Variants in C6orf62 observed in about 807,000 individuals in gnomAD.
The protein encoded by C6orf62 is chromosome 6 open reading frame 62.
C6orf62 carries 16 observed loss-of-function variants against 26.8 expected under a neutral mutation model. The ratio of observed to expected loss-of-function variants is 0.60; its 90% confidence interval spans 0.40 to 0.91. The LOEUF is 0.91. Ranked by LOEUF, C6orf62 falls within the 40% of genes least tolerant of loss-of-function variation. The pLI is 0.00. For missense variants in C6orf62, 192 were observed against 271.4 expected, an observed-to-expected ratio of 0.71 and a Z score of 2.06; for synonymous variants, 112 against 91.5, an observed-to-expected ratio of 1.22 and a Z score of -1.28.
upstream of C6orf62, chr6:24,720,330 T>C: frequency 1.0e-5 from 13 of 1,270,234 alleles, no homozygotes; most frequent in Non-Finnish European, 1.3e-5. Flanking sequence ...GCAGGAGCCA[T>C]GTCAAGAGAA....
At chr6:24,711,670 TAA>T (rs1461594972) in intron 3 of C6orf62, among the ~76,000 whole-genome samples, 2 of 151,566 alleles carry the variant, frequency 1.3e-5, no homozygotes, top group Admixed American at 6.6e-5. Context: ...TAAAGTGCTT[TAA>T]GAGTCAAAAA....
chr6:24,719,679 A>G, upstream of C6orf62: 1 of 1,470,686 alleles, frequency 6.8e-7, no homozygotes, highest in Admixed American at 2.5e-5. Flanking sequence ...CCCAAGGGAG[A>G]CTTCCCTGTG....
upstream of C6orf62, chr6:24,719,669 C>T (rs1779314395): frequency 6.8e-7 from 1 of 1,466,904 alleles, no homozygotes; most frequent in Non-Finnish European, 9.0e-7. Context: ...TCCTACATTC[C>T]CCAAGGGAGA....
At chr6:24,720,258 C>A, upstream of C6orf62, 1 of 1,291,052 alleles carries the variant, frequency 7.7e-7, no homozygotes, top group East Asian at 3.1e-5. Flanking sequence ...CCGCAGCCTG[C>A]GGGCGGAGCG....
At chr6:24,708,671 T>A in intron 4 of C6orf62, 106 bp downstream of exon 4, 2 of 1,431,108 alleles carry the variant, frequency 1.4e-6, no homozygotes, top group Non-Finnish European at 1.9e-6. Context: ...TCAAAAATAA[T>A]GCAGTGTTTG....
intron 3 of C6orf62, among the ~76,000 whole-genome samples, chr6:24,712,459 A>G (rs563935236): frequency 3.9e-5 from 6 of 152,182 alleles, no homozygotes; most frequent in African/African-American, 9.6e-5. Context: ...TCACGAGGTC[A>G]AGAGATCGAG....
Position 24,709,001 on chromosome 6 carries a change from C to T in C6orf62, c.430-90G>A. On this transcript the variant is annotated intron_variant, in intron 3 of 4. Transcript: ENST00000378119. ...ATGCTAGCTGTGCTGTCCAATAAAG[C>T]AGCCAACAGTCCGTTATCTTTTCCT... 19 of 1,548,728 alleles carry T rather than the reference C, an allele frequency of 1.2e-5. 1 individual carries two copies. The South Asian group carries it at 2.3e-4, about 19-fold the overall frequency.
upstream of C6orf62, chr6:24,719,200 A>G: frequency 1.0e-6 from 1 of 987,158 alleles, no homozygotes; most frequent in Non-Finnish European, 1.2e-6. Flanking sequence ...AACCAAAACC[A>G]AACACCAAAA....
chr6:24,717,904 G>C (rs940011120), intron 1 of C6orf62, among the ~76,000 whole-genome samples: 1 of 152,126 alleles, frequency 6.6e-6, no homozygotes, highest in South Asian at 2.1e-4. Context: ...TTTAACTGCG[G>C]AACTAATTCT....
intron 2 of C6orf62, among the ~76,000 whole-genome samples, chr6:24,714,856 T>A (rs1412758278): frequency 6.6e-6 from 1 of 152,164 alleles, no homozygotes; most frequent in African/African-American, 2.4e-5. Context: ...TGACCTCAGG[T>A]GATCCACCCA....
At chr6:24,720,133 C>T, upstream of C6orf62, 1 of 1,328,284 alleles carries the variant, frequency 7.5e-7, no homozygotes, top group East Asian at 3.2e-5. Flanking sequence ...TCCCGAGGGG[C>T]AGGGGGTGGA....
chr6:24,719,949 TA>T, upstream of C6orf62: 1 of 1,549,350 alleles, frequency 6.5e-7, no homozygotes, highest in South Asian at 1.2e-5. Context: ...CGGGAGAGGG[TA>T]AATGGGAAGG....
chr6:24,720,262 C>A (rs1043891179), upstream of C6orf62: 6 of 1,290,546 alleles, frequency 4.6e-6, no homozygotes, highest in South Asian at 5.1e-5. Context: ...AGCCTGCGGG[C>A]GGAGCGGTGG....
Position 24,710,452 on chromosome 6 carries a change from T to C in C6orf62, c.430-1541A>G, listed in dbSNP as rs568422175. 218 of 408,044 alleles carry C rather than the reference T, an allele frequency of 5.3e-4. 1 individual carries two copies. Among genetic ancestry groups the C allele is most frequent in the African/African-American group, 3.4e-3 (158 of 45,974 alleles). The allele number at this position is 408,044 out of a possible 1,614,324, so 25.3% of individuals were successfully genotyped here. A position where few individuals can be genotyped will look rare whatever the true frequency, so the allele number is the denominator to read the frequency against. ...GCTAATTTTGTGTTTTTAGTAGAGATAGGACTTCTTTATGTTGGTCAGGAT... is the reference window on the plus strand; with the variant it reads ...GCTAATTTTGTGTTTTTAGTAGAGACAGGACTTCTTTATGTTGGTCAGGAT... On this transcript the variant is annotated intron_variant, in intron 3 of 4. Coordinates refer to ENST00000378119, the MANE Select transcript of C6orf62 (RefSeq NM_030939.5).
intron 4 of C6orf62, chr6:24,706,612 G>A: frequency 5.1e-6 from 1 of 197,104 alleles, no homozygotes; most frequent in South Asian, 8.3e-5. Context: ...GAGGATGAAG[G>A]AATAGGTAAA....
At position 24,718,761 on chromosome 6, in the gene C6orf62, T is replaced by C. The variant is rs979690997; in HGVS notation, c.-93A>G. 5 of 1,577,320 alleles carry C rather than the reference T, an allele frequency of 3.2e-6. No homozygotes were observed. The African/African-American group carries it at 6.9e-5, about 22-fold the overall frequency. The stretch of plus-strand genomic sequence containing the variant: ...CTCAAGTACAACAGAAACAAGTCAT[T>C]TTTTTTCCTGCTAATATGATTGATT... On this transcript the variant is annotated 5_prime_UTR_variant, in exon 1 of 5. Transcript: ENST00000378119.
chr6:24,716,450 T>C (rs1779232499), intron 1 of C6orf62, 126 bp from the exon 2 acceptor site: 1 of 643,914 alleles, frequency 1.6e-6, no homozygotes, highest in Non-Finnish European at 2.7e-6. Context: ...ACTTATACAC[T>C]GAAAACACAT....
upstream of C6orf62, chr6:24,719,155 CAAAAAAAAAAAAA>C: frequency 4.6e-6 from 4 of 874,784 alleles, no homozygotes; most frequent in Non-Finnish European, 5.3e-6. Flanking sequence ...CCTTGCTTTC[CAAAAAAAAAAAAA>C]AAAAAAACTC....
At position 24,705,273 on chromosome 6, in the gene C6orf62, A is replaced by C. The variant is rs1417531588; in HGVS notation, c.*864T>G. The stretch of plus-strand genomic sequence containing the variant: ...CCAGCATTTCTGCACAATTCACTGG[A>C]ATTTTTTTCTTTGTAATAAAAATCT... On this transcript the variant is annotated 3_prime_UTR_variant, in exon 5 of 5. Transcript: ENST00000378119. 6.6e-6 allele frequency: 1 copy of C among 152,618 alleles called. No homozygotes were observed. Among genetic ancestry groups the C allele is most frequent in the Non-Finnish European group, 1.5e-5 (1 of 68,026 alleles). 9.5% of individuals were successfully genotyped at this position (152,618 alleles called of 1,614,324 possible).
Sources: allele counts gnomAD v4.1 joint callset (sites outside exome capture counted in the v4.1 genomes callset), GRCh38; gene constraint gnomAD v4.1.1; transcripts MANE v1.5; gene names NCBI Gene and HGNC (gene_info 2026-07-23, HGNC 2026-07-21).